MARCHF1: variants seen among roughly 807,000 people sequenced by gnomAD.
The protein encoded by MARCHF1 is membrane associated ring-CH-type finger 1.
Under a neutral mutation model 54.2 loss-of-function variants are expected in MARCHF1, and 40 were observed. The observed-to-expected ratio is 0.74, with a 90% CI of 0.57 to 0.96. The LOEUF is 0.96. Among genes scored for constraint, MARCHF1 ranks in the 40% least tolerant of loss-of-function variants. The probability of loss-of-function intolerance (pLI) is 0.00; values close to 1 mark genes in which losing one functional copy is unlikely to be tolerated. For missense variants in MARCHF1, 586 were observed against 656.5 expected (o/e 0.89, Z 1.17); for synonymous variants, 236 against 236.3 (o/e 1.00, Z 0.01).
chr4:163,660,049 C>G (rs1225445112), intron 5 of MARCHF1, among the ~76,000 whole-genome samples: 1 of 152,060 alleles, frequency 6.6e-6, no homozygotes, highest in Admixed American at 6.6e-5. Context: ...AATCTCATTA[C>G]TGGGTATATA....
At chr4:163,928,186 T>C (rs576634889) in intron 3 of MARCHF1, among the ~76,000 whole-genome samples, 1 of 152,068 alleles carries the variant, frequency 6.6e-6, no homozygotes, top group South Asian at 2.1e-4. Context: ...TCACTCATTC[T>C]TTTTTCACTG....
chr4:164,289,471 A>C (rs1430542221), intron 1 of MARCHF1, among the ~76,000 whole-genome samples: 1 of 151,870 alleles, frequency 6.6e-6, no homozygotes, highest in Non-Finnish European at 1.5e-5. Context: ...GATTTTTTAA[A>C]GTTGAAGTTG....
At chr4:163,622,708 C>T (rs1741732001) in intron 5 of MARCHF1, among the ~76,000 whole-genome samples, 1 of 152,148 alleles carries the variant, frequency 6.6e-6, no homozygotes, top group Non-Finnish European at 1.5e-5. Flanking sequence ...TCAGGCCAGA[C>T]AGCTAAACGT....
At chr4:163,979,581 C>T (rs1221337567) in intron 3 of MARCHF1, among the ~76,000 whole-genome samples, 1 of 150,686 alleles carries the variant, frequency 6.6e-6, no homozygotes, top group African/African-American at 2.4e-5. Flanking sequence ...GTTCTAGATC[C>T]CTGAGGAATC....
intron 5 of MARCHF1, among the ~76,000 whole-genome samples, chr4:163,632,772 G>A (rs1742151328): frequency 6.6e-6 from 1 of 152,260 alleles, no homozygotes; most frequent in Admixed American, 6.5e-5. Flanking sequence ...GCCTGCCTCT[G>A]TAGGCTCAAC....
chr4:163,721,486 T>C (rs1258715378), intron 4 of MARCHF1, among the ~76,000 whole-genome samples: 1 of 152,130 alleles, frequency 6.6e-6, no homozygotes, highest in African/African-American at 2.4e-5. Flanking sequence ...TGGTCTAAAA[T>C]TCTCTTTTTT....
At chr4:164,361,424 T>G (rs1023145303) in intron 1 of MARCHF1, among the ~76,000 whole-genome samples, 1 of 152,124 alleles carries the variant, frequency 6.6e-6, no homozygotes, top group Non-Finnish European at 1.5e-5. Context: ...AATATAAATC[T>G]ATAAAGAAAT....
intron 1 of MARCHF1, among the ~76,000 whole-genome samples, chr4:164,156,744 T>G (rs1428846919): frequency 2.0e-5 from 3 of 152,256 alleles, no homozygotes; most frequent in South Asian, 2.1e-4. Flanking sequence ...TCTTGTCATT[T>G]TATAGGAGAT....
intron 5 of MARCHF1, among the ~76,000 whole-genome samples, chr4:163,649,672 G>A (rs774211977): frequency 2.0e-5 from 3 of 151,978 alleles, no homozygotes; most frequent in East Asian, 1.9e-4. Context: ...AAAAAAAACC[G>A]CATGGGACTT....
At chr4:164,133,115 T>G (rs1274059701) in intron 1 of MARCHF1, among the ~76,000 whole-genome samples, 1 of 152,100 alleles carries the variant, frequency 6.6e-6, no homozygotes, top group Admixed American at 6.6e-5. Flanking sequence ...CTGACTGGTG[T>G]ATTTGGGAGA....
At chr4:164,137,960 T>A (rs978033836) in intron 1 of MARCHF1, among the ~76,000 whole-genome samples, 19 of 152,120 alleles carry the variant, frequency 1.2e-4, no homozygotes, top group African/African-American at 4.6e-4. Flanking sequence ...TTTTCCCTGG[T>A]GGTAATTTCT....
At chr4:163,666,684 G>A (rs1361554894) in intron 5 of MARCHF1, among the ~76,000 whole-genome samples, 3 of 151,574 alleles carry the variant, frequency 2.0e-5, no homozygotes, top group South Asian at 2.1e-4. Context: ...GACAGAAGAT[G>A]TCTTGTCACA....
intron 2 of MARCHF1, among the ~76,000 whole-genome samples, chr4:164,003,692 T>C (rs1279549337): frequency 6.6e-6 from 1 of 152,106 alleles, no homozygotes; most frequent in African/African-American, 2.4e-5. Flanking sequence ...CTAGTAGGAA[T>C]GTAAATTAGT....
intron 3 of MARCHF1, among the ~76,000 whole-genome samples, chr4:163,925,578 A>G (rs978029271): frequency 1.3e-5 from 2 of 151,890 alleles, no homozygotes; most frequent in African/African-American, 2.4e-5. Context: ...AAAATTGTCT[A>G]TGAAAATCCT....
At chr4:163,682,170 G>C (rs898369684) in intron 5 of MARCHF1, among the ~76,000 whole-genome samples, 3 of 152,176 alleles carry the variant, frequency 2.0e-5, no homozygotes, top group Non-Finnish European at 4.4e-5. Flanking sequence ...CCTTGCCCTA[G>C]AGATAGTGAA....
intron 5 of MARCHF1, 99 bp downstream of exon 5, chr4:163,700,714 C>T: frequency 1.1e-6 from 1 of 869,684 alleles, no homozygotes; most frequent in Non-Finnish European, 1.8e-6. Flanking sequence ...CATTTGTGTT[C>T]TGCTCACAGA....
chr4:164,250,218 T>C (rs1278482290), intron 1 of MARCHF1, among the ~76,000 whole-genome samples: 1 of 152,138 alleles, frequency 6.6e-6, no homozygotes, highest in Non-Finnish European at 1.5e-5. Flanking sequence ...AAAGTCATTA[T>C]GTTTTAGAAT....
At chr4:163,579,052 T>G (rs72989871) in intron 8 of MARCHF1, among the ~76,000 whole-genome samples, 3 of 152,178 alleles carry the variant, frequency 2.0e-5, no homozygotes, top group Non-Finnish European at 4.4e-5. Flanking sequence ...CTGAACAACC[T>G]ACTCTATAAT....
At chr4:164,029,579 A>G (rs1441106041) in intron 2 of MARCHF1, among the ~76,000 whole-genome samples, 2 of 151,518 alleles carry the variant, frequency 1.3e-5, no homozygotes, top group African/African-American at 4.8e-5. Context: ...ATATATATAT[A>G]TGTCATTTTT....
Sources: gnomAD v4.1 joint callset for allele counts (sites outside exome capture counted in the v4.1 genomes callset) on GRCh38, gnomAD v4.1.1 for gene constraint, MANE v1.5 for transcripts, NCBI Gene and HGNC (gene_info 2026-07-23, HGNC 2026-07-21) for gene names.